The following GDPD4 variants were observed in gnomAD, a reference collection of about 807,000 sequenced individuals.
The protein encoded by GDPD4 is glycerophosphodiester phosphodiesterase domain containing 4.
A neutral mutation model predicts 67.8 loss-of-function variants in GDPD4; 60 were observed. The ratio of observed to expected loss-of-function variants is 0.88; its 90% CI spans 0.72 to 1.10. The LOEUF (loss-of-function observed/expected upper bound fraction) is 1.10. Among genes scored for constraint, GDPD4 ranks in the 50% least tolerant of loss-of-function variants. The pLI is 0.00. For missense variants in GDPD4, 623 were observed against 613.9 expected, an observed-to-expected ratio of 1.01 and a Z score of -0.16; for synonymous variants, 212 against 210.9, an observed-to-expected ratio of 1.00 and a Z score of -0.04.
Position 77,229,121 on chromosome 11 carries a change from A to T in GDPD4, c.1472+29T>A, listed in dbSNP as rs147861821. 6.3e-6 allele frequency: 7 copies of T among 1,109,836 alleles called. No individual in the cohort carries two copies. The East Asian group carries it at 1.8e-4, about 29-fold the overall frequency. 68.7% of individuals were successfully genotyped at this position (1,109,836 alleles called of 1,614,324 possible). ...ATAATAATCCATTTATTTTGGAAAAAATTCATTTAAAATTATATATATACT... is the reference window on the plus strand; with the variant it reads ...ATAATAATCCATTTATTTTGGAAAATATTCATTTAAAATTATATATATACT... On this transcript the variant is annotated intron_variant, in intron 15 of 16. Coordinates refer to ENST00000315938, the MANE Select transcript of GDPD4 (RefSeq NM_182833.3).
intron 10 of GDPD4, among the ~76,000 whole-genome samples, chr11:77,263,592 A>G (rs1959160660): frequency 6.6e-6 from 1 of 152,230 alleles, no homozygotes; most frequent in Non-Finnish European, 1.5e-5. Context: ...CCAAAAACTA[A>G]TAAGCAAGAT....
chr11:77,229,885 G>C (rs752809635), intron 14 of GDPD4, among the ~76,000 whole-genome samples: 3 of 152,122 alleles, frequency 2.0e-5, no homozygotes, highest in Non-Finnish European at 2.9e-5. Context: ...TCCTCTCATT[G>C]AGTTTGATGC....
At position 77,243,829 on chromosome 11, in the gene GDPD4, T is replaced by C. The variant is rs1958724908; in HGVS notation, c.1106A>G (p.His369Arg). 3.1e-6 allele frequency: 5 copies of C among 1,613,212 alleles called. No homozygotes were observed. Among genetic ancestry groups the C allele is most frequent in the Non-Finnish European group, 4.2e-6 (5 of 1,179,630 alleles). ...EQHLIFWLPAHDRQYVRSVAP... is the reference protein window; with the variant it reads ...EQHLIFWLPARDRQYVRSVAP... Reference sequence around the variant, plus strand: ...CACGGACCTGACGTATTGCCTATCATGAGCTGGCAACCAAAAAATCTCTAA... The same window carrying C: ...CACGGACCTGACGTATTGCCTATCACGAGCTGGCAACCAAAAAATCTCTAA... The change falls in exon 13 of 17, where the codon CAT becomes CGT. Residue 369 changes from histidine (H) to arginine (R), a missense_variant. Coordinates refer to ENST00000315938, the MANE Select transcript of GDPD4 (RefSeq NM_182833.3).
intron 16 of GDPD4, among the ~76,000 whole-genome samples, chr11:77,220,117 T>C (rs1207177794): frequency 6.6e-6 from 1 of 152,164 alleles, no homozygotes; most frequent in Non-Finnish European, 1.5e-5. Context: ...GCTGAGACGA[T>C]GGGGTTTTCT....
At chr11:77,219,131 C>G (rs544430721) in intron 16 of GDPD4, among the ~76,000 whole-genome samples, 1 of 152,342 alleles carries the variant, frequency 6.6e-6, no homozygotes, top group East Asian at 1.9e-4. Flanking sequence ...TTGCATTTCT[C>G]ACATGATCAG....
chr11:77,245,421 C>T lies in GDPD4; in HGVS notation c.946G>A (p.Asp316Asn). 2 of 1,614,084 alleles carry T rather than the reference C, an allele frequency of 1.2e-6. No individual in the cohort carries two copies. Among genetic ancestry groups the T allele is most frequent in the Non-Finnish European group, 1.7e-6 (2 of 1,179,948 alleles). ...TCCTTCTCTGCAAGTGTCAATAAAT[C>T]AGCTAGTGTTGGAATTGACTGATTT... The part of the protein sequence containing the change: ...ARNQSIPTLA[D>N]LLTLAEKERK... The change falls in exon 12 of 17, where the codon GAT becomes AAT. Residue 316 changes from aspartate to asparagine, a missense_variant. Asp to Asn is a conservative substitution (Grantham distance 23). Transcript: ENST00000315938.
chr11:77,295,775 T>C (rs1436687427), intron 1 of GDPD4, among the ~76,000 whole-genome samples: 1 of 152,178 alleles, frequency 6.6e-6, no homozygotes, highest in Non-Finnish European at 1.5e-5. Flanking sequence ...TTGTACTTCA[T>C]CAATATTAAT....
chr11:77,226,106 G>A (rs747974302), intron 16 of GDPD4, among the ~76,000 whole-genome samples: 39 of 152,246 alleles, frequency 2.6e-4, no homozygotes, highest in Non-Finnish European at 3.1e-4. Flanking sequence ...ATAGTAGTGG[G>A]TAGGGTCAAG....
At chr11:77,220,100 A>C (rs1351445778) in intron 16 of GDPD4, among the ~76,000 whole-genome samples, 1 of 152,158 alleles carries the variant, frequency 6.6e-6, no homozygotes, top group Non-Finnish European at 1.5e-5. Context: ...GCTTAAGGAG[A>C]CTTTGGGCTG....
rs982778729 is a variant in GDPD4 at position 77,216,816 on chromosome 11, G to C, written c.*461C>G. ...CCTTAGGCAGAGAGAGGAAGAAGCA[G>C]GGGAGATGTGGCTAATTCTTCTTTG... On this transcript the variant is annotated 3_prime_UTR_variant, in exon 17 of 17. Transcript: ENST00000315938. 12 of 610,494 alleles carry C rather than the reference G, an allele frequency of 2.0e-5. No homozygotes were observed. The highest frequency in any genetic ancestry group is 4.3e-4 in the Middle Eastern group (1 of 2,332). 37.8% of individuals were successfully genotyped at this position (610,494 alleles called of 1,614,324 possible). A position where few individuals can be genotyped will look rare whatever the true frequency, so the allele number is the denominator to read the frequency against.
rs76106122 is a variant in GDPD4, at chr11:77,216,745, G to C, written c.*532C>G. 1,167 of 596,272 alleles carry C rather than the reference G, an allele frequency of 2.0e-3. 7 individuals carry two copies. The highest frequency in any genetic ancestry group is 2.8e-3 in the Non-Finnish European group (957 of 336,298). 36.9% of individuals were successfully genotyped at this position (596,272 alleles called of 1,614,324 possible). A position where few individuals can be genotyped will look rare whatever the true frequency, so the allele number is the denominator to read the frequency against. ...CACAATGGTTCCCCTGAGAGCCTCC[G>C]TGGCCCTTCTGTGTGCCTTTATCAA... On this transcript the variant is annotated 3_prime_UTR_variant, in exon 17 of 17. Transcript: ENST00000315938.
rs181960042 is a variant in GDPD4 at position 77,257,477 on chromosome 11, T to G, written c.864+909A>C. On this transcript the variant is annotated intron_variant, in intron 11 of 16. Coordinates refer to ENST00000315938, the MANE Select transcript of GDPD4 (RefSeq NM_182833.3). ...GATCAACATGTTTTCCAGATTATTC[T>G]CCCAATCTATCGCTCATCTACTTCC... Among the ~76,000 whole-genome samples, 91 of 150,964 alleles carry G rather than the reference T, an allele frequency of 6.0e-4. No individual in the cohort carries two copies. In the Middle Eastern group the frequency reaches 0.014, roughly 23 times the overall value.
intron 4 of GDPD4, among the ~76,000 whole-genome samples, chr11:77,278,861 G>C (rs76546122): frequency 0.037 from 5,640 of 152,254 alleles, 223 homozygotes; most frequent in African/African-American, 0.099. Flanking sequence ...ATCTGGGCTA[G>C]GTGACTAGCA....
chr11:77,259,321 G>T (rs1299273256), intron 10 of GDPD4, among the ~76,000 whole-genome samples: 1 of 152,122 alleles, frequency 6.6e-6, no homozygotes, highest in African/African-American at 2.4e-5. Context: ...ACATCAGATA[G>T]TATCATAAGG....
At chr11:77,271,250 G>C (rs368123089) in intron 6 of GDPD4, 27 bp from the exon 7 acceptor site, 2 of 1,607,130 alleles carry the variant, frequency 1.2e-6, no homozygotes, top group Non-Finnish European at 1.7e-6. Flanking sequence ...AGTCAGGCTG[G>C]ATACATCTAG....
At chr11:77,268,886 T>C in intron 9 of GDPD4, 38 bp downstream of exon 9, 1 of 1,602,616 alleles carries the variant, frequency 6.2e-7, no homozygotes, top group Non-Finnish European at 8.5e-7. Context: ...ACCCCACACA[T>C]ACTTATTTTC....
chr11:77,298,057 A>C (rs1233299443), intron 1 of GDPD4, among the ~76,000 whole-genome samples: 1 of 152,118 alleles, frequency 6.6e-6, no homozygotes, highest in Non-Finnish European at 1.5e-5. Context: ...TGAAAAAGAC[A>C]GGGAAAATAA....
intron 9 of GDPD4, 113 bp from the exon 10 acceptor site, chr11:77,268,652 G>A: frequency 2.3e-6 from 2 of 861,648 alleles, no homozygotes; most frequent in South Asian, 3.0e-5. Flanking sequence ...TTGGCTCCCT[G>A]AGATCTCCTT....
intron 16 of GDPD4, chr11:77,224,148 C>T (rs1958280646): frequency 6.6e-6 from 1 of 152,232 alleles, no homozygotes; most frequent in Non-Finnish European, 1.5e-5. Flanking sequence ...CTTGCATTTC[C>T]CAGGTGAGGT....
Sources: gnomAD v4.1 joint callset for allele counts (sites outside exome capture counted in the v4.1 genomes callset) on GRCh38, gnomAD v4.1.1 for gene constraint, MANE v1.5 for transcripts, NCBI Gene and HGNC (gene_info 2026-07-23, HGNC 2026-07-21) for gene names.